The following KMO variants were observed in gnomAD, a reference collection of about 807,000 sequenced individuals.
The protein encoded by KMO is kynurenine 3-hydroxylase.
KMO carries 24 observed loss-of-function variants against 57.8 expected under a neutral mutation model. That is an observed-to-expected ratio of 0.42 (90% confidence interval 0.30 to 0.58). The LOEUF (loss-of-function observed/expected upper bound fraction) is 0.58, where lower values mean the gene tolerates loss of function less well. Ranked by LOEUF, KMO falls within the 20% of genes least tolerant of loss-of-function variation. The pLI is 0.22. For missense variants in KMO, 483 were observed against 588.2 expected, an observed-to-expected ratio of 0.82 and a Z score of 1.85; for synonymous variants, 210 against 193.6, an observed-to-expected ratio of 1.08 and a Z score of -0.70.
At chr1:241,556,368 C>T (rs1661624648) in intron 5 of KMO, among the ~76,000 whole-genome samples, 2 of 152,142 alleles carry the variant, frequency 1.3e-5, no homozygotes, top group Admixed American at 1.3e-4. Context: ...ACTCCTGGCT[C>T]AAGTGATTCT....
rs771749741 is a variant in KMO at position 241,548,881 on chromosome 1, T to C, written c.107T>C (p.Val36Ala). Reference sequence around the variant, plus strand: ...GCAAAGAGGAATTTCCAGATTGATGTATATGAAGCTAGGGAAGGTACGTCC... The same window carrying C: ...GCAAAGAGGAATTTCCAGATTGATGCATATGAAGCTAGGGAAGGTACGTCC... ...FLAKRNFQID[V>A]YEAREDTRVA... Residue 36 changes from valine (V) to alanine (A), a missense_variant, in exon 2 of 15, where the codon GTA (valine) becomes GCA (alanine). By Grantham distance (64) the Val-to-Ala change is moderately conservative (BLOSUM62 0). This residue lies in a region of KMO where 70 missense variants were observed against 78.4 expected (regional missense o/e 0.89). Transcript: ENST00000366559. 1.9e-6 allele frequency: 3 copies of C among 1,606,282 alleles called. No homozygotes were observed. The highest frequency in any genetic ancestry group is 2.6e-6 in the Non-Finnish European group (3 of 1,173,462).
At chr1:241,572,024 GC>G (rs1192650435) in intron 10 of KMO, among the ~76,000 whole-genome samples, 1 of 151,842 alleles carries the variant, frequency 6.6e-6, no homozygotes. Context: ...GTGCCACTAT[GC>G]CCAGCTTATT....
Position 241,593,580 on chromosome 1 carries a change from G to A in KMO, c.*1427G>A. On this transcript the variant is annotated 3_prime_UTR_variant, in exon 15 of 15. Transcript: ENST00000366559. ...TACCCACTTTAGGTTCCTTGGCTGGGGCCCCTATAACAAAAGACAGATTGA... is the reference window on the plus strand; with the variant it reads ...TACCCACTTTAGGTTCCTTGGCTGGAGCCCCTATAACAAAAGACAGATTGA... The A allele has an allele frequency of 8.6e-6, 2 of 232,870 alleles. No individual in the cohort carries two copies. Among genetic ancestry groups the A allele is most frequent in the East Asian group, 8.5e-5 (1 of 11,706 alleles). 14.4% of individuals were successfully genotyped at this position (232,870 alleles called of 1,614,324 possible).
rs181537404 is a variant in KMO, at chr1:241,558,494, T to C, written c.362-2171T>C. Among the ~76,000 whole-genome samples, 354 of 152,342 alleles carry C rather than the reference T, an allele frequency of 2.3e-3. 4 individuals are homozygous for C. The highest frequency in any genetic ancestry group is 7.7e-4 in the East Asian group (4 of 5,192). On this transcript the variant is annotated intron_variant, in intron 5 of 14. Transcript: ENST00000366559. Reference sequence around the variant, plus strand: ...TCTGAAAACATTGTTGCTACATGATTTCCCTACGTCGGCATTTCATGCGGG... The same window carrying C: ...TCTGAAAACATTGTTGCTACATGATCTCCCTACGTCGGCATTTCATGCGGG...
intron 10 of KMO, among the ~76,000 whole-genome samples, chr1:241,578,763 A>C (rs1231529000): frequency 1.3e-5 from 2 of 152,130 alleles, no homozygotes; most frequent in Non-Finnish European, 2.9e-5. Context: ...ATCTGTTTTC[A>C]TGCTGCTGAT....
chr1:241,560,622 A>T, intron 5 of KMO, 43 bp from the exon 6 acceptor site: 1 of 1,341,180 alleles, frequency 7.5e-7, no homozygotes, highest in Non-Finnish European at 1.1e-6. Context: ...TGAAGTAAGA[A>T]TTGAGATTTC....
chr1:241,568,173 A>G (rs954273786), intron 9 of KMO, among the ~76,000 whole-genome samples: 3 of 152,206 alleles, frequency 2.0e-5, no homozygotes, highest in African/African-American at 4.8e-5. Flanking sequence ...TGGAAACCTA[A>G]AATACACTGC....
intron 14 of KMO, 64 bp from the exon 15 acceptor site, chr1:241,591,889 A>C: frequency 7.5e-7 from 1 of 1,342,140 alleles, no homozygotes; most frequent in South Asian, 1.2e-5. Context: ...TTGTTAAAAA[A>C]TGAAGTCTAT....
intron 10 of KMO, among the ~76,000 whole-genome samples, chr1:241,573,756 C>G (rs1455138542): frequency 6.6e-6 from 1 of 151,880 alleles, no homozygotes; most frequent in Non-Finnish European, 1.5e-5. Context: ...ATTTTTTGTC[C>G]CCTATGAGCC....
intron 1 of KMO, among the ~76,000 whole-genome samples, chr1:241,540,613 A>AGTGC (rs1199800482): frequency 1.3e-5 from 2 of 152,202 alleles, no homozygotes; most frequent in South Asian, 2.1e-4. Context: ...TGCATGAGAT[A>AGTGC]GTGCATGAGA....
chr1:241,539,383 C>CAAAAAA (rs769776691), intron 1 of KMO, among the ~76,000 whole-genome samples: 3 of 134,882 alleles, frequency 2.2e-5, no homozygotes, highest in Admixed American at 7.4e-5. Flanking sequence ...GACTCCGTCT[C>CAAAAAA]AAAAAAATTC....
chr1:241,549,038 A>C, intron 2 of KMO, 140 bp downstream of exon 2: 2 of 566,478 alleles, frequency 3.5e-6, no homozygotes, highest in Non-Finnish European at 6.4e-6. Flanking sequence ...ATCTCTACAA[A>C]AAATACAAAA....
intron 1 of KMO, among the ~76,000 whole-genome samples, chr1:241,537,123 C>T (rs933420324): frequency 6.6e-6 from 1 of 152,168 alleles, no homozygotes; most frequent in Non-Finnish European, 1.5e-5. Flanking sequence ...CAGCTGGACA[C>T]TCAGGAAATC....
chr1:241,551,034 CA>C lies in KMO; in HGVS notation c.305del (p.Lys102SerfsTer8). On this transcript the variant is annotated frameshift_variant, in exon 4 of 15. Transcript: ENST00000366559. LOFTEE classifies it high-confidence loss of function. ...SGKKSAIPYG[T>X]KSQYILSVSR... The stretch of plus-strand genomic sequence containing the variant: ...AAAAAGTCTGCAATTCCCTATGGGA[CA>C]AAGTCTCAGGTAGGTTTACCCCGGA... 1 of 1,550,876 alleles carries C rather than the reference CA, an allele frequency of 6.4e-7. No homozygotes were observed. Among genetic ancestry groups the C allele is most frequent in the Non-Finnish European group, 8.8e-7 (1 of 1,139,680 alleles).
rs3765809 is a variant in KMO at position 241,594,247 on chromosome 1, G to T, written c.*2094G>T. On this transcript the variant is annotated 3_prime_UTR_variant, in exon 15 of 15. Transcript: ENST00000366559. The stretch of plus-strand genomic sequence containing the variant: ...ATGTAAAGCACCCGTTGAATTAAAA[G>T]AATTTGTTTTTGTTCAACCTCTTCC... 0.17 allele frequency: 99,651 copies of T among 586,788 alleles called. 8,967 individuals carry two copies. Among genetic ancestry groups the T allele is most frequent in the Middle Eastern group, 0.23 (504 of 2,168 alleles). The allele number at this position is 586,788 out of a possible 1,614,324, so 36.3% of individuals were successfully genotyped here.
At chr1:241,543,173 A>T (rs1013716009) in intron 1 of KMO, among the ~76,000 whole-genome samples, 3 of 152,160 alleles carry the variant, frequency 2.0e-5, no homozygotes, top group African/African-American at 7.2e-5. Flanking sequence ...ACAAGAAGTG[A>T]CAGAGTGCCA....
chr1:241,532,438 A>G lies in KMO; in HGVS notation c.-7A>G, dbSNP rs760627280. 77 of 1,612,536 alleles carry G rather than the reference A, an allele frequency of 4.8e-5. 1 individual carries two copies. In the Middle Eastern group the frequency reaches 6.6e-4, roughly 14 times the overall value. On this transcript the variant is annotated 5_prime_UTR_variant, in exon 1 of 15. Transcript: ENST00000366559. The stretch of plus-strand genomic sequence containing the variant: ...CAACAATAATTGTGAAAAATACTTC[A>G]GCAGTTATGGACTCATCTGTCATTC...
intron 10 of KMO, among the ~76,000 whole-genome samples, chr1:241,584,421 C>T (rs1662883958): frequency 6.6e-6 from 1 of 152,182 alleles, no homozygotes. Context: ...CTAGTTCAAC[C>T]ATTGTGGAAG....
chr1:241,543,046 C>G (rs759810708), intron 1 of KMO, among the ~76,000 whole-genome samples: 1 of 152,116 alleles, frequency 6.6e-6, no homozygotes, highest in Admixed American at 6.6e-5. Flanking sequence ...CATATTTATA[C>G]GAGATCTATT....
Sources: gnomAD v4.1 joint callset for allele counts (sites outside exome capture counted in the v4.1 genomes callset) on GRCh38, gnomAD v4.1.1 for gene constraint, gnomAD v4.1.1 regional missense constraint, MANE v1.5 for transcripts, NCBI Gene and HGNC (gene_info 2026-07-23, HGNC 2026-07-21) for gene names.